Variants in SLC2A9 observed in about 807,000 individuals in gnomAD.
SLC2A9 encodes solute carrier family 2, facilitated glucose transporter member 9.
In SLC2A9, 39 loss-of-function variants were observed where a neutral mutation model predicts 50.6. The ratio of observed to expected loss-of-function variants is 0.77; its 90% CI spans 0.60 to 1.01. SLC2A9 has a LOEUF of 1.01. Among genes scored for constraint, SLC2A9 ranks in the 50% least tolerant of loss-of-function variants. The probability of loss-of-function intolerance (pLI) is 0.00; values close to 1 mark genes in which losing one functional copy is unlikely to be tolerated. For synonymous variants in SLC2A9, 324 were observed against 276.9 expected (o/e 1.17, Z -1.69); for missense variants, 686 against 677.6 (o/e 1.01, Z -0.14).
At chr4:9,886,705 A>G (rs1736338328) in intron 10 of SLC2A9, among the ~76,000 whole-genome samples, 1 of 152,082 alleles carries the variant, frequency 6.6e-6, no homozygotes, top group Admixed American at 6.5e-5. Context: ...TCCACCAAGA[A>G]ACACAACCAA....
chr4:9,814,482 A>C (rs889054829), intron 3 of SLC2A9, among the ~76,000 whole-genome samples: 4 of 152,204 alleles, frequency 2.6e-5, no homozygotes, highest in South Asian at 2.1e-4. Flanking sequence ...GTAGCCATCT[A>C]TTGCTGTTTA....
Position 9,993,541 on chromosome 4 carries a change from G to A in SLC2A9, c.410+3240C>T, listed in dbSNP as rs189026481. 2.0e-3 allele frequency among the ~76,000 whole-genome samples: 306 copies of A among 152,196 alleles called. 2 individuals are homozygous for A. Among genetic ancestry groups the A allele is most frequent in the East Asian group, 2.5e-3 (13 of 5,178 alleles). On this transcript the variant is annotated intron_variant, in intron 3 of 11. Transcript: ENST00000264784. Reference sequence around the variant, plus strand: ...GGCCATTCTTTATCTTCATGTCATCGTGAACTAAGTAAAGATGAAAGAGTT... The same window carrying A: ...GGCCATTCTTTATCTTCATGTCATCATGAACTAAGTAAAGATGAAAGAGTT...
intron 10 of SLC2A9, among the ~76,000 whole-genome samples, chr4:9,840,026 C>A (rs1560176278): frequency 6.6e-6 from 1 of 152,092 alleles, no homozygotes; most frequent in Non-Finnish European, 1.5e-5. Context: ...TTAATTATCA[C>A]TATGATATGA....
intron 1 of SLC2A9, among the ~76,000 whole-genome samples, chr4:9,772,586 G>T (rs1441694508): frequency 6.6e-6 from 1 of 152,220 alleles, no homozygotes; most frequent in Non-Finnish European, 1.5e-5. Context: ...GAGACACACA[G>T]AAGCAAACAG....
intron 3 of SLC2A9, among the ~76,000 whole-genome samples, chr4:9,811,659 G>C (rs540129696): frequency 6.6e-6 from 1 of 152,272 alleles, no homozygotes; most frequent in African/African-American, 2.4e-5. Context: ...GGGATCCACA[G>C]GATTGCCCAG....
intron 5 of SLC2A9, among the ~76,000 whole-genome samples, chr4:9,948,221 T>C (rs1749559074): frequency 6.6e-6 from 1 of 152,256 alleles, no homozygotes; most frequent in Non-Finnish European, 1.5e-5. Flanking sequence ...CTCTCATTCA[T>C]CTCACACACA....
intron 5 of SLC2A9, among the ~76,000 whole-genome samples, chr4:9,956,422 G>C (rs967876185): frequency 6.6e-6 from 1 of 152,022 alleles, no homozygotes; most frequent in Non-Finnish European, 1.5e-5. Context: ...AGAGCTTGCA[G>C]TGAGCCAAGA....
intron 1 of SLC2A9, among the ~76,000 whole-genome samples, chr4:10,026,591 C>G (rs975833678): frequency 5.3e-5 from 8 of 152,084 alleles, no homozygotes; most frequent in Non-Finnish European, 1.5e-5. Flanking sequence ...TTCCAATGGC[C>G]GAGAGGTGGA....
intron 7 of SLC2A9, among the ~76,000 whole-genome samples, chr4:9,912,090 T>C (rs1741928866): frequency 1.3e-5 from 2 of 151,698 alleles, no homozygotes; most frequent in Non-Finnish European, 2.9e-5. Context: ...AATTGAACAA[T>C]AAGAACACAT....
intron 8 of SLC2A9, among the ~76,000 whole-genome samples, chr4:9,902,611 A>G (rs1229472727): frequency 1.3e-5 from 2 of 152,176 alleles, no homozygotes; most frequent in Non-Finnish European, 2.9e-5. Context: ...TGGAGGCGCC[A>G]GGGAAGGGTC....
chr4:9,836,734 T>A (rs982491663), intron 10 of SLC2A9, among the ~76,000 whole-genome samples: 2 of 152,160 alleles, frequency 1.3e-5, no homozygotes, highest in Admixed American at 6.5e-5. Context: ...TTCACAGAGG[T>A]CACTGCTCTT....
chr4:9,966,544 T>C (rs926015878), intron 5 of SLC2A9, among the ~76,000 whole-genome samples: 5 of 152,066 alleles, frequency 3.3e-5, no homozygotes, highest in African/African-American at 1.2e-4. Context: ...TAGTCCCAGC[T>C]ACTCGAGCGG....
intron 5 of SLC2A9, among the ~76,000 whole-genome samples, chr4:9,969,338 C>T (rs4292328): frequency 0.58 from 87,599 of 152,004 alleles, 26,451 homozygotes; most frequent in African/African-American, 0.77. Context: ...AATTTCCTTG[C>T]AAATTTCTGG....
At chr4:9,836,482 G>A (rs1727134381) in intron 10 of SLC2A9, among the ~76,000 whole-genome samples, 1 of 152,098 alleles carries the variant, frequency 6.6e-6, no homozygotes, top group Admixed American at 6.6e-5. Context: ...TGAAGATCTG[G>A]GGAAGATCAT....
intron 5 of SLC2A9, among the ~76,000 whole-genome samples, chr4:9,973,336 T>C (rs1013628965): frequency 2.6e-5 from 4 of 152,148 alleles, no homozygotes; most frequent in African/African-American, 9.7e-5. Flanking sequence ...CCTGAAAAGA[T>C]GGATTCACAG....
intron 10 of SLC2A9, among the ~76,000 whole-genome samples, chr4:9,846,967 A>T (rs1431331132): frequency 6.6e-6 from 1 of 152,174 alleles, no homozygotes; most frequent in African/African-American, 2.4e-5. Flanking sequence ...CCCAGTTTAA[A>T]TTCCCACCTC....
At chr4:9,853,175 CA>C (rs35342884) in intron 10 of SLC2A9, among the ~76,000 whole-genome samples, 4,160 of 79,412 alleles carry the variant, frequency 0.052, 138 homozygotes, top group African/African-American at 0.14. Context: ...AACTCCCTCT[CA>C]AAAAAAAAAA....
chr4:9,899,661 G>T (rs1212217151), intron 8 of SLC2A9, among the ~76,000 whole-genome samples: 1 of 152,172 alleles, frequency 6.6e-6, no homozygotes, highest in Non-Finnish European at 1.5e-5. Flanking sequence ...TGCATAAAAG[G>T]TATCGGTGTA....
intron 2 of SLC2A9, among the ~76,000 whole-genome samples, chr4:10,007,485 C>T (rs1172277764): frequency 1.3e-5 from 2 of 152,202 alleles, no homozygotes; most frequent in Non-Finnish European, 2.9e-5. Flanking sequence ...CCCTCAGCCA[C>T]CTTTGCAGTG....
Sources: gnomAD v4.1 joint callset for allele counts (sites outside exome capture counted in the v4.1 genomes callset) on GRCh38, gnomAD v4.1.1 for gene constraint, MANE v1.5 for transcripts, NCBI Gene and HGNC (gene_info 2026-07-23, HGNC 2026-07-21) for gene names.